Variants in CCDC171 observed in about 807,000 individuals in gnomAD.
CCDC171 encodes coiled-coil domain-containing protein 171.
CCDC171 carries 177 observed loss-of-function variants against 168.2 expected under a neutral mutation model. The ratio of observed to expected loss-of-function variants is 1.05; its 90% confidence interval spans 0.93 to 1.19. The LOEUF is 1.19. Ranked by LOEUF, CCDC171 falls within the 50% of genes most tolerant of loss-of-function variation. CCDC171 has a pLI of 0.00. For missense variants in CCDC171, 1,991 were observed against 1,539.0 expected, an observed-to-expected ratio of 1.29 and a Z score of -4.91; for synonymous variants, 687 against 540.8, an observed-to-expected ratio of 1.27 and a Z score of -3.75.
At chr9:15,787,686 T>C (rs2058040070) in intron 21 of CCDC171, among the ~76,000 whole-genome samples, 1 of 152,180 alleles carries the variant, frequency 6.6e-6, no homozygotes, top group Non-Finnish European at 1.5e-5. Flanking sequence ...CATTAAAAAA[T>C]GTACATGTTA....
chr9:16,090,651 T>C, the CCDC171 span, among the ~76,000 whole-genome samples: 2 of 152,160 alleles, frequency 1.3e-5, no homozygotes, highest in Non-Finnish European at 2.9e-5. Flanking sequence ...TATCTACCTG[T>C]CCCCAAAGCA....
At chr9:15,635,513 C>T (rs1009229447) in intron 7 of CCDC171, among the ~76,000 whole-genome samples, 10 of 152,192 alleles carry the variant, frequency 6.6e-5, no homozygotes, top group Non-Finnish European at 1.3e-4. Context: ...CCCCATTCCA[C>T]TTTCTTCTGC....
intron 2 of CCDC171, among the ~76,000 whole-genome samples, chr9:15,566,029 A>T (rs80294676): frequency 0.018 from 2,810 of 152,216 alleles, 92 homozygotes; most frequent in African/African-American, 0.065. Flanking sequence ...GTTTTTATCT[A>T]TTTCAATTTA....
intron 1 of CCDC171, among the ~76,000 whole-genome samples, chr9:16,048,252 T>C (rs531168447): frequency 6.6e-6 from 1 of 152,274 alleles, no homozygotes; most frequent in East Asian, 1.9e-4. Context: ...GCTGAACTCG[T>C]GGGAAACGTG....
chr9:15,844,898 G>GTTAGAGATAATA (rs2060831914), intron 21 of CCDC171, among the ~76,000 whole-genome samples: 1 of 151,996 alleles, frequency 6.6e-6, no homozygotes, highest in Non-Finnish European at 1.5e-5. Context: ...TCTGGATAAG[G>GTTAGAGATAATA]TTAGAGATAA....
chr9:15,594,166 A>G lies in CCDC171; in HGVS notation c.669A>G (p.Ile223Met). The part of the protein sequence containing the change: ...WEAERRELQF[I>M]VQEQDTAVQN... The stretch of plus-strand genomic sequence containing the variant: ...CAGAAAGAAGAGAATTACAATTTAT[A>G]GTACAGGTATTTTAAAAATAATCAG... Residue 223 changes from isoleucine (I) to methionine (M), a missense_variant, in exon 6 of 26, where the codon ATA becomes ATG. By Grantham distance (10) the Ile-to-Met change is conservative (BLOSUM62 1). Coordinates refer to ENST00000380701, the MANE Select transcript of CCDC171 (RefSeq NM_173550.4). 1 of 1,389,024 alleles carries G rather than the reference A, an allele frequency of 7.2e-7. No individual in the cohort carries two copies. Among genetic ancestry groups the G allele is most frequent in the Non-Finnish European group, 1.0e-6 (1 of 997,422 alleles). 86.0% of individuals were successfully genotyped at this position (1,389,024 alleles called of 1,614,324 possible). A position where few individuals can be genotyped will look rare whatever the true frequency, so the allele number is the denominator to read the frequency against.
intron 10 of CCDC171, among the ~76,000 whole-genome samples, chr9:15,693,657 G>A (rs562558228): frequency 6.6e-6 from 1 of 152,260 alleles, no homozygotes; most frequent in African/African-American, 2.4e-5. Context: ...TGATAGTTGA[G>A]CTGACATGTA....
At chr9:16,067,542 C>A in the CCDC171 span, among the ~76,000 whole-genome samples, 1 of 152,118 alleles carries the variant, frequency 6.6e-6, no homozygotes, top group African/African-American at 2.4e-5. Context: ...TTGCCCATGC[C>A]CATGTCCTGA....
intron 10 of CCDC171, among the ~76,000 whole-genome samples, chr9:15,689,248 T>C (rs1172999327): frequency 6.6e-6 from 1 of 152,234 alleles, no homozygotes; most frequent in Non-Finnish European, 1.5e-5. Context: ...CTCATGTTCA[T>C]GTAATAGTTA....
chr9:16,101,699 C>A, the CCDC171 span, among the ~76,000 whole-genome samples: 1 of 152,204 alleles, frequency 6.6e-6, no homozygotes, highest in Non-Finnish European at 1.5e-5. Flanking sequence ...CTTGAAGGAG[C>A]AAACTGCTGT....
At chr9:16,046,623 A>T (rs1833666128) in intron 1 of CCDC171, among the ~76,000 whole-genome samples, 1 of 152,132 alleles carries the variant, frequency 6.6e-6, no homozygotes, top group African/African-American at 2.4e-5. Flanking sequence ...AGATAATTGA[A>T]TCATGGGGGT....
intron 10 of CCDC171, among the ~76,000 whole-genome samples, chr9:15,685,440 A>G (rs991052212): frequency 6.6e-6 from 1 of 152,076 alleles, no homozygotes; most frequent in African/African-American, 2.4e-5. Flanking sequence ...AGCCTGAGCA[A>G]CAAACGTAGT....
chr9:15,578,615 A>G (rs968302880), intron 3 of CCDC171, among the ~76,000 whole-genome samples: 6 of 151,354 alleles, frequency 4.0e-5, no homozygotes, highest in African/African-American at 1.5e-4. Context: ...CTTTAATTTT[A>G]TAAAAAGTTC....
At chr9:15,909,651 A>G (rs939926102) in intron 24 of CCDC171, among the ~76,000 whole-genome samples, 1 of 152,194 alleles carries the variant, frequency 6.6e-6, no homozygotes, top group Non-Finnish European at 1.5e-5. Flanking sequence ...GGCCGTCTGT[A>G]TCTCATTCCC....
At chr9:15,642,490 G>C (rs2046719925) in intron 7 of CCDC171, among the ~76,000 whole-genome samples, 1 of 151,026 alleles carries the variant, frequency 6.6e-6, no homozygotes, top group South Asian at 2.1e-4. Context: ...GTTCTCCTAG[G>C]TGGTATTGGA....
At chr9:16,055,663 C>T (rs1833828349) in intron 1 of CCDC171, among the ~76,000 whole-genome samples, 1 of 152,228 alleles carries the variant, frequency 6.6e-6, no homozygotes, top group African/African-American at 2.4e-5. Flanking sequence ...TGCCTATCCT[C>T]ATTTTGCAGC....
chr9:15,698,807 C>T (rs958417429), intron 11 of CCDC171, among the ~76,000 whole-genome samples: 10 of 152,136 alleles, frequency 6.6e-5, no homozygotes, highest in Non-Finnish European at 1.2e-4. Context: ...CCTGCCTCAG[C>T]CTCCTAAATA....
At chr9:15,955,355 G>C (rs1829687057) in intron 25 of CCDC171, among the ~76,000 whole-genome samples, 1 of 152,138 alleles carries the variant, frequency 6.6e-6, no homozygotes, top group South Asian at 2.1e-4. Context: ...TCAGCTGAGG[G>C]GGAGTTGCAA....
intron 25 of CCDC171, among the ~76,000 whole-genome samples, chr9:15,944,676 T>G (rs1317677144): frequency 6.6e-6 from 1 of 151,992 alleles, no homozygotes; most frequent in Non-Finnish European, 1.5e-5. Context: ...GTAAGGTTCC[T>G]GTTATTATTG....
Sources: gnomAD v4.1 joint callset for allele counts (sites outside exome capture counted in the v4.1 genomes callset) on GRCh38, gnomAD v4.1.1 for gene constraint, MANE v1.5 for transcripts, NCBI Gene and HGNC (gene_info 2026-07-23, HGNC 2026-07-21) for gene names.